The following CBLIF variants were observed in gnomAD, a reference collection of about 807,000 sequenced individuals.
CBLIF encodes the protein cobalamin binding intrinsic factor.
Under a neutral mutation model 44.9 loss-of-function variants are expected in CBLIF, and 24 were observed. The observed-to-expected ratio is 0.53, with a 90% CI of 0.39 to 0.75. CBLIF has a LOEUF of 0.75. CBLIF is among the 30% of genes least tolerant of loss of function. CBLIF has a pLI of 0.00. For synonymous variants in CBLIF, 183 were observed against 190.9 expected (o/e 0.96, Z 0.34); for missense variants, 481 against 513.0 (o/e 0.94, Z 0.60).
In CBLIF at chr11:59,829,333, C is replaced by A; in HGVS notation, c.*151G>T. The A allele has an allele frequency of 1.5e-6, 1 of 659,048 alleles. No individual in the cohort carries two copies. Among genetic ancestry groups the A allele is most frequent in the Non-Finnish European group, 2.8e-6 (1 of 352,396 alleles). 40.8% of individuals were successfully genotyped at this position (659,048 alleles called of 1,614,324 possible). The stretch of plus-strand genomic sequence containing the variant: ...GATGTTGAGACTCCAGTGAACTTTG[C>A]ATTTTTATTCTACATAGTGGTTCTC... On this transcript the variant is annotated 3_prime_UTR_variant, in exon 9 of 9. Transcript: ENST00000257248.
intron 7 of CBLIF, 157 bp downstream of exon 7, chr11:59,835,651 T>C: frequency 5.8e-6 from 4 of 692,856 alleles, no homozygotes; most frequent in Non-Finnish European, 1.0e-5. Context: ...TAAGTTTTCA[T>C]GAGAGCCTTA....
intron 7 of CBLIF, among the ~76,000 whole-genome samples, chr11:59,834,240 T>TTTTCTTTCTTTCTTTC (rs57364350): frequency 3.5e-5 from 4 of 115,242 alleles, no homozygotes; most frequent in East Asian, 2.5e-4. Flanking sequence ...CTTTCTTTCT[T>TTTTCTTTCTTTCTTTC]TTTCTTTCTT....
chr11:59,835,716 A>G, intron 7 of CBLIF, 92 bp downstream of exon 7: 1 of 1,059,078 alleles, frequency 9.4e-7, no homozygotes. Context: ...ATCTGTTATC[A>G]AAAGGAAAAA....
chr11:59,841,581 C>T (rs529329032), intron 4 of CBLIF, among the ~76,000 whole-genome samples: 4 of 152,098 alleles, frequency 2.6e-5, no homozygotes, highest in Non-Finnish European at 5.9e-5. Context: ...TACTGACAAC[C>T]AGAAGTAAAT....
At chr11:59,832,773 A>T (rs1011321228) in intron 7 of CBLIF, among the ~76,000 whole-genome samples, 28 of 152,368 alleles carry the variant, frequency 1.8e-4, no homozygotes, top group African/African-American at 6.3e-4. Context: ...ATGGATTTTG[A>T]AAACACCTAT....
intron 3 of CBLIF, 190 bp downstream of exon 3, chr11:59,842,838 C>A: frequency 1.5e-6 from 1 of 652,420 alleles, no homozygotes; most frequent in Non-Finnish European, 2.7e-6. Flanking sequence ...GGATCATGAC[C>A]TTTTCTAGTT....
chr11:59,841,952 C>G (rs1348631143), intron 4 of CBLIF, among the ~76,000 whole-genome samples: 1 of 152,042 alleles, frequency 6.6e-6, no homozygotes, highest in East Asian at 1.9e-4. Flanking sequence ...AACAAAGACG[C>G]AAGGTGGTCC....
At chr11:59,838,018 A>C (rs117568257) in intron 5 of CBLIF, among the ~76,000 whole-genome samples, 2 of 152,310 alleles carry the variant, frequency 1.3e-5, no homozygotes, top group Non-Finnish European at 2.9e-5. Flanking sequence ...GAAGCCCTGC[A>C]GCAGGAAAGA....
Position 59,831,741 on chromosome 11 carries a change from C to A in CBLIF, c.1129G>T (p.Ala377Ser). 1.2e-6 allele frequency: 2 copies of A among 1,609,260 alleles called. No individual in the cohort carries two copies. The highest frequency in any genetic ancestry group is 1.7e-6 in the Non-Finnish European group (2 of 1,175,808). Residue 377 changes from alanine (A) to serine (S), a missense_variant, in exon 8 of 9, where the codon GCG becomes TCG. Transcript: ENST00000257248. Reference sequence around the variant, plus strand: ...TATGTCTTGTGATTAACATTTTCCGCGATATTGTTGATAGAAGAGACGACA... The same window carrying A: ...TATGTCTTGTGATTAACATTTTCCGAGATATTGTTGATAGAAGAGACGACA... ...GLVVSSINNI[A>S]ENVNHKTYWQ...
Position 59,832,292 on chromosome 11 carries a change from C to T in CBLIF, c.1074-496G>A, listed in dbSNP as rs559945585. ...AAAATGATGAGAACACATGAATACACAGAGGGGAACAACACACACAGGGGC... is the reference window on the plus strand; with the variant it reads ...AAAATGATGAGAACACATGAATACATAGAGGGGAACAACACACACAGGGGC... On this transcript the variant is annotated intron_variant, in intron 7 of 8. Coordinates refer to ENST00000257248, the MANE Select transcript of CBLIF (RefSeq NM_005142.3). 9.9e-5 allele frequency among the ~76,000 whole-genome samples: 15 copies of T among 152,100 alleles called. No homozygotes were observed. The South Asian group carries it at 3.1e-3, about 32-fold the overall frequency.
chr11:59,829,831 T>C (rs2135080335), intron 8 of CBLIF, among the ~76,000 whole-genome samples: 1 of 152,332 alleles, frequency 6.6e-6, no homozygotes, highest in South Asian at 2.1e-4. Flanking sequence ...TTGTTAATAA[T>C]ATTTACTCTG....
chr11:59,832,903 A>C (rs1257917065), intron 7 of CBLIF, among the ~76,000 whole-genome samples: 1 of 152,358 alleles, frequency 6.6e-6, no homozygotes, highest in East Asian at 1.9e-4. Flanking sequence ...AATAATTTTC[A>C]GTAACACAGG....
Position 59,842,850 on chromosome 11 carries a change from A to G in CBLIF, c.370+178T>C, listed in dbSNP as rs2135095607. The G allele has an allele frequency of 1.1e-5, 7 of 660,208 alleles. No individual in the cohort carries two copies. In the South Asian group the frequency reaches 1.2e-4, roughly 11 times the overall value. The allele number at this position is 660,208 out of a possible 1,614,324, so 40.9% of individuals were successfully genotyped here. On this transcript the variant is annotated intron_variant, in intron 3 of 8. Transcript: ENST00000257248. ...TTGGGATCATGACCTTTTCTAGTTCATTTTGGATTGGAAATGAATCTTTCT... is the reference window on the plus strand; with the variant it reads ...TTGGGATCATGACCTTTTCTAGTTCGTTTTGGATTGGAAATGAATCTTTCT...
intron 7 of CBLIF, among the ~76,000 whole-genome samples, chr11:59,832,773 A>G (rs1011321228): frequency 1.3e-5 from 2 of 152,368 alleles, no homozygotes; most frequent in African/African-American, 4.8e-5. Flanking sequence ...ATGGATTTTG[A>G]AAACACCTAT....
intron 8 of CBLIF, 38 bp from the exon 9 acceptor site, chr11:59,829,583 T>TTACATGCACCACA: frequency 4.6e-6 from 6 of 1,307,612 alleles, no homozygotes; most frequent in Non-Finnish European, 6.7e-6. Flanking sequence ...GTGACTGTGG[T>TTACATGCACCACA]GCATGTAACC....
At chr11:59,831,613 A>G in intron 8 of CBLIF, 65 bp downstream of exon 8, 1 of 783,548 alleles carries the variant, frequency 1.3e-6, no homozygotes, top group Non-Finnish European at 2.3e-6. Flanking sequence ...ATTAAATGAA[A>G]AAATAATTAA....
At chr11:59,841,466 C>A in intron 4 of CBLIF, 142 bp from the exon 5 acceptor site, 1 of 704,726 alleles carries the variant, frequency 1.4e-6, no homozygotes, top group Non-Finnish European at 2.6e-6. Flanking sequence ...TACCTGTAAT[C>A]ATCTCCATTT....
chr11:59,845,102 A>G (rs1403901629), intron 1 of CBLIF, among the ~76,000 whole-genome samples: 1 of 151,990 alleles, frequency 6.6e-6, no homozygotes, highest in Non-Finnish European at 1.5e-5. Flanking sequence ...GGCTCAAGCA[A>G]TCCTCCTGCT....
At position 59,837,154 on chromosome 11, in the gene CBLIF, A is replaced by G; in HGVS notation, c.871+20T>C. The G allele has an allele frequency of 6.3e-7, 1 of 1,592,178 alleles. No individual in the cohort carries two copies. Among genetic ancestry groups the G allele is most frequent in the Non-Finnish European group, 8.6e-7 (1 of 1,160,060 alleles). ...GCATAAGTTGCTGCTTTATGACATA[A>G]GGAGAGGTGGATGTCTTACCAGGAC... On this transcript the variant is annotated intron_variant, in intron 6 of 8. Coordinates refer to ENST00000257248, the MANE Select transcript of CBLIF (RefSeq NM_005142.3).
Sources: gnomAD v4.1 joint callset for allele counts (sites outside exome capture counted in the v4.1 genomes callset) on GRCh38, gnomAD v4.1.1 for gene constraint, MANE v1.5 for transcripts, NCBI Gene and HGNC (gene_info 2026-07-23, HGNC 2026-07-21) for gene names.